Variants in GIMAP8 observed in about 807,000 individuals in gnomAD.
GIMAP8 encodes the protein GTPase, IMAP family member 8, also known as GTPase IMAP family member 8.
Under a neutral mutation model 35.6 loss-of-function variants are expected in GIMAP8, and 29 were observed. The ratio of observed to expected loss-of-function variants is 0.81; its 90% CI spans 0.61 to 1.11. The LOEUF (loss-of-function observed/expected upper bound fraction) is 1.11, where lower values mean the gene tolerates loss of function less well. Among genes scored for constraint, GIMAP8 ranks in the 50% most tolerant of loss-of-function variants. GIMAP8 has a pLI of 0.00. For missense variants in GIMAP8, 811 were observed against 805.0 expected, an observed-to-expected ratio of 1.01 and a Z score of -0.09; for synonymous variants, 335 against 308.7, an observed-to-expected ratio of 1.09 and a Z score of -0.89.
At chr7:150,474,876 C>T (rs866198874) in intron 4 of GIMAP8, among the ~76,000 whole-genome samples, 10 of 151,408 alleles carry the variant, frequency 6.6e-5, no homozygotes, top group South Asian at 2.1e-4. Flanking sequence ...CCTCCCCACT[C>T]CCCCCACCCC....
chr7:150,455,873 C>T (rs1410236269), intron 1 of GIMAP8, among the ~76,000 whole-genome samples: 1 of 152,206 alleles, frequency 6.6e-6, no homozygotes, highest in African/African-American at 2.4e-5. Flanking sequence ...CTGGGATATT[C>T]TGGGAGCTCA....
In GIMAP8 at chr7:150,477,545, G is replaced by T. The variant is rs200505163; in HGVS notation, c.1763G>T (p.Arg588Leu). The T allele has an allele frequency of 1.2e-6, 2 of 1,614,024 alleles. No individual in the cohort carries two copies. The highest frequency in any genetic ancestry group is 1.3e-5 in the African/African-American group (1 of 74,902). ...AAGAACTCAGATAACAAAGCCCTTC[G>T]GCGCATTTTTAAAAAGTGTGGGCGG... is the stretch of plus-strand genomic sequence containing the variant. ...FMKNSDNKALRRIFKKCGRRV... is the reference protein window; with the variant it reads ...FMKNSDNKALLRIFKKCGRRV... Residue 588 changes from arginine to leucine, a missense_variant, in exon 5 of 5, where the codon CGG becomes CTG. Physicochemically the swap from Arg to Leu is moderately radical, Grantham distance 102. Coordinates refer to ENST00000307271, the MANE Select transcript of GIMAP8 (RefSeq NM_175571.4).
intron 1 of GIMAP8, among the ~76,000 whole-genome samples, chr7:150,452,312 T>TGTGC (rs1156955870): frequency 6.6e-6 from 1 of 151,718 alleles, no homozygotes; most frequent in African/African-American, 2.4e-5. Context: ...TGCATGTGCG[T>TGTGC]GTGTGTATGT....
chr7:150,475,131 A>G (rs1802199271), intron 4 of GIMAP8, among the ~76,000 whole-genome samples: 1 of 152,250 alleles, frequency 6.6e-6, no homozygotes, highest in Non-Finnish European at 1.5e-5. Context: ...GAAGATAAAA[A>G]GGACAGGTCT....
At position 150,472,386 on chromosome 7, in the gene GIMAP8, C is replaced by A. The variant is rs1181126321; in HGVS notation, c.682+1512C>A. On this transcript the variant is annotated intron_variant, in intron 3 of 4. Transcript: ENST00000307271. The surrounding 1 kb of genome is among the most constrained non-coding windows in gnomAD (Gnocchi z 4.1). ...CAGGAGGCAGCTGTCATCTATTTAG[C>A]CAGTGCAGGGGATGTTCGGGCAATG... Among the ~76,000 whole-genome samples the A allele has an allele frequency of 1.3e-5, 2 of 152,156 alleles. No individual in the cohort carries two copies. Among genetic ancestry groups the A allele is most frequent in the African/African-American group, 4.8e-5 (2 of 41,424 alleles).
intron 3 of GIMAP8, among the ~76,000 whole-genome samples, chr7:150,471,558 CG>C (rs1406723101): frequency 1.3e-5 from 2 of 152,056 alleles, no homozygotes; most frequent in African/African-American, 4.8e-5. Flanking sequence ...TAGCTGAGGC[CG>C]GGTGCAGTGG....
At position 150,452,715 on chromosome 7, in the gene GIMAP8, C is replaced by T. The variant is rs988881011; in HGVS notation, c.-29+1540C>T. ...ATATATATATATATATATATACATG[C>T]GAGTGGAACTACAGGCACCCACCAC... On this transcript the variant is annotated intron_variant, in intron 1 of 4. Coordinates refer to ENST00000307271, the MANE Select transcript of GIMAP8 (RefSeq NM_175571.4). Among the ~76,000 whole-genome samples the T allele has an allele frequency of 4.5e-4, 23 of 51,004 alleles. No homozygotes were observed. The East Asian group carries it at 0.014, about 32-fold the overall frequency. The allele number at this position is 51,004 out of a possible 152,430, so 33.5% of individuals were successfully genotyped here. A position where few individuals can be genotyped will look rare whatever the true frequency, so the allele number is the denominator to read the frequency against.
intron 1 of GIMAP8, among the ~76,000 whole-genome samples, chr7:150,463,666 T>A (rs532054133): frequency 1.3e-5 from 2 of 152,332 alleles, no homozygotes; most frequent in South Asian, 4.1e-4. Context: ...TAGTGAAGGC[T>A]GTGGTAAGAT....
chr7:150,475,996 G>A (rs914680561), intron 4 of GIMAP8, among the ~76,000 whole-genome samples: 1 of 152,174 alleles, frequency 6.6e-6, no homozygotes, highest in African/African-American at 2.4e-5. Flanking sequence ...TAAGAACACT[G>A]AATTAGAGAA....
chr7:150,456,076 A>G (rs886357865), intron 1 of GIMAP8, among the ~76,000 whole-genome samples: 1 of 152,202 alleles, frequency 6.6e-6, no homozygotes, highest in Non-Finnish European at 1.5e-5. Flanking sequence ...TCTATCACCA[A>G]GGAAATAGTA....
At position 150,467,119 on chromosome 7, in the gene GIMAP8, G is replaced by A; in HGVS notation, c.421G>A (p.Asp141Asn). ...IVFTRKDDLGDDLLQDFIEKN... is the reference protein window; with the variant it reads ...IVFTRKDDLGNDLLQDFIEKN... Reference sequence around the variant, plus strand: ...CTTCACTCGGAAGGATGATTTGGGGGATGACTTGCTGCAAGATTTCATTGA... The same window carrying A: ...CTTCACTCGGAAGGATGATTTGGGGAATGACTTGCTGCAAGATTTCATTGA... The change falls in exon 2 of 5, where the codon GAT (aspartate) becomes AAT (asparagine). Residue 141 changes from aspartate (D) to asparagine (N), a missense_variant. Asp to Asn is a conservative substitution (Grantham distance 23). Coordinates refer to ENST00000307271, the MANE Select transcript of GIMAP8 (RefSeq NM_175571.4). The A allele has an allele frequency of 1.9e-6, 3 of 1,614,178 alleles. No homozygotes were observed. The highest frequency in any genetic ancestry group is 2.2e-5 in the South Asian group (2 of 91,090).
chr7:150,470,803 C>A, intron 2 of GIMAP8, 26 bp from the exon 3 acceptor site: 1 of 968,810 alleles, frequency 1.0e-6, no homozygotes, highest in Non-Finnish European at 1.5e-6. Context: ...GATCTGTGTG[C>A]ACTATTTTGT....
intron 1 of GIMAP8, among the ~76,000 whole-genome samples, chr7:150,455,204 C>T (rs1183657032): frequency 7.1e-6 from 1 of 140,368 alleles, no homozygotes; most frequent in East Asian, 2.0e-4. Flanking sequence ...GAAAAAACAA[C>T]AAAAAATGGA....
chr7:150,467,243 T>G lies in GIMAP8; in HGVS notation c.545T>G (p.Val182Gly). ...AGTAAGGATGAGCAGATCACCCAGG[T>G]GTTGGAGCTCCTTCGCAAGGTTGAG... is the stretch of plus-strand genomic sequence containing the variant. ...TNSKDEQITQ[V>G]LELLRKVESL... Residue 182 changes from valine to glycine, a missense_variant, in exon 2 of 5, where the codon GTG (valine) becomes GGG (glycine). By Grantham distance (109) the Val-to-Gly change is moderately radical. Coordinates refer to ENST00000307271, the MANE Select transcript of GIMAP8 (RefSeq NM_175571.4). 6.2e-7 allele frequency: 1 copy of G among 1,614,188 alleles called. No individual in the cohort carries two copies. Among genetic ancestry groups the G allele is most frequent in the Non-Finnish European group, 8.5e-7 (1 of 1,180,018 alleles).
chr7:150,476,939 TTG>T (rs1404535931), intron 4 of GIMAP8, among the ~76,000 whole-genome samples, 151 bp from the exon 5 acceptor site: 1 of 152,192 alleles, frequency 6.6e-6, no homozygotes, highest in Non-Finnish European at 1.5e-5. Context: ...ATTCCCGTGT[TTG>T]GAGATCCCCC....
intron 1 of GIMAP8, among the ~76,000 whole-genome samples, chr7:150,462,649 T>C (rs536301148): frequency 6.6e-6 from 1 of 152,344 alleles, no homozygotes; most frequent in African/African-American, 2.4e-5. Flanking sequence ...TCCAGTACTT[T>C]GAATATATCA....
At chr7:150,464,958 A>G (rs2116600782) in intron 1 of GIMAP8, among the ~76,000 whole-genome samples, 1 of 152,256 alleles carries the variant, frequency 6.6e-6, no homozygotes, top group African/African-American at 2.4e-5. Context: ...GTTTTGATGG[A>G]GTGGTACCAA....
intron 2 of GIMAP8, 94 bp downstream of exon 2, chr7:150,467,428 T>C (rs1157619916): frequency 5.1e-6 from 5 of 984,514 alleles, no homozygotes; most frequent in Non-Finnish European, 7.6e-6. Flanking sequence ...CATTGTGTGA[T>C]GGAACATGGG....
chr7:150,461,488 G>GT (rs981729605), intron 1 of GIMAP8, among the ~76,000 whole-genome samples: 1 of 151,838 alleles, frequency 6.6e-6, no homozygotes, highest in South Asian at 2.1e-4. Flanking sequence ...GTGTCTTTAT[G>GT]TTTTTTATTT....
Sources: gnomAD v4.1 joint callset for allele counts (sites outside exome capture counted in the v4.1 genomes callset) on GRCh38, gnomAD v4.1.1 for gene constraint, Gnocchi (gnomAD v3.1) non-coding constraint, MANE v1.5 for transcripts, NCBI Gene and HGNC (gene_info 2026-07-23, HGNC 2026-07-21) for gene names.